The following APOB variants were observed in gnomAD, a reference collection of about 807,000 sequenced individuals.
APOB encodes the protein apolipoprotein B.
In APOB, 153 loss-of-function variants were observed where a neutral mutation model predicts 314.1. The observed-to-expected ratio is 0.49, with a 90% CI of 0.43 to 0.56. The LOEUF is 0.56. Among genes scored for constraint, APOB ranks in the 20% least tolerant of loss-of-function variants. APOB has a pLI of 0.00. For synonymous variants in APOB, 2,087 were observed against 2,036.4 expected (o/e 1.02, Z -0.67); for missense variants, 5,430 against 5,350.7 (o/e 1.01, Z -0.46).
chr2:21,006,166 T>C lies in APOB; in HGVS notation c.10702A>G (p.Lys3568Glu), dbSNP rs899966738. The change falls in exon 26 of 29, where the codon AAA becomes GAA. Residue 3568 changes from lysine (K) to glutamate (E), a missense_variant. By Grantham distance (56) the Lys-to-Glu change is moderately conservative. This residue lies in a region of APOB where 3,281 missense variants were observed against 3,171.0 expected (regional missense o/e 1.03). Coordinates refer to ENST00000233242, the MANE Select transcript of APOB (RefSeq NM_000384.3). ...AGGCCCTCTAGCTGTAAGTGGTTTT[T>C]CGTACTGTGCTCCCAGAGGGAATAT... ...RIYSLWEHST[K>E]NHLQLEGLFF... The C allele has an allele frequency of 6.2e-7, 1 of 1,613,952 alleles. No individual in the cohort carries two copies. Among genetic ancestry groups the C allele is most frequent in the African/African-American group, 1.3e-5 (1 of 74,908 alleles).
Position 21,011,567 on chromosome 2 carries a change from A to C in APOB, c.5301T>G (p.Ser1767=). 2 of 1,614,222 alleles carry C rather than the reference A, an allele frequency of 1.2e-6. No individual in the cohort carries two copies. Among genetic ancestry groups the C allele is most frequent in the Non-Finnish European group, 1.7e-6 (2 of 1,180,016 alleles). ...LNIAGLSLDF[S]SKLDNIYSSD... ...AGCTGTAAATGTTGTCAAGTTTTGA[A>C]GAGAAGTCCAGTGATAAGCCTGCAA... The change falls in exon 26 of 29, where the codon TCT becomes TCG. Residue 1767 remains serine (S), a synonymous_variant. Coordinates refer to ENST00000233242, the MANE Select transcript of APOB (RefSeq NM_000384.3).
At chr2:21,024,519 T>C (rs1019277091) in intron 16 of APOB, 2 of 314,368 alleles carry the variant, frequency 6.4e-6, no homozygotes, top group Non-Finnish European at 1.2e-5. Flanking sequence ...CTTGGGAGGC[T>C]GAGGCAGGAG....
At position 21,043,026 on chromosome 2, in the gene APOB, CG is replaced by C. The variant is rs1369048088; in HGVS notation, c.121+486del. On this transcript the variant is annotated intron_variant, in intron 2 of 28. Transcript: ENST00000233242. ...TGAGTCCAGCTGCAGTGATGACAGA[CG>C]GCCACTAGATGGCGGTGCTGCCCCA... Among the ~76,000 whole-genome samples the C allele has an allele frequency of 2.0e-5, 3 of 146,558 alleles. No homozygotes were observed. In the Admixed American group the frequency reaches 2.1e-4, roughly 10 times the overall value.
intron 8 of APOB, among the ~76,000 whole-genome samples, chr2:21,034,334 CA>C (rs1212632946): frequency 6.6e-6 from 1 of 152,050 alleles, no homozygotes; most frequent in African/African-American, 2.4e-5. Context: ...TTGCTATGAG[CA>C]AAAAGGACAA....
chr2:21,043,595 C>T (rs1314954841), intron 1 of APOB, 44 bp from the exon 2 acceptor site: 1 of 1,576,528 alleles, frequency 6.3e-7, no homozygotes, highest in African/African-American at 1.3e-5. Flanking sequence ...CCACGTCTTC[C>T]CAGCGGGTGC....
At position 21,002,198 on chromosome 2, in the gene APOB, G is replaced by A. The variant is rs764213853; in HGVS notation, c.13224C>T (p.Val4408=). 1.2e-6 allele frequency: 2 copies of A among 1,613,958 alleles called. No individual in the cohort carries two copies. The highest frequency in any genetic ancestry group is 3.3e-5 in the Admixed American group (2 of 59,996). ...CAACTAACAGGTTCTTGATCAGACT[G>A]ACTATCTTTTCTTCAAGTTCATAAT... ...VKYYELEEKI[V]SLIKNLLVAL... The change falls in exon 29 of 29, where the codon GTC becomes GTT. Residue 4408 remains valine (V), a synonymous_variant. Transcript: ENST00000233242.
chr2:21,013,586 A>C (rs1663391126), intron 24 of APOB, 53 bp from the exon 25 acceptor site: 13 of 1,612,160 alleles, frequency 8.1e-6, no homozygotes, highest in African/African-American at 1.3e-5. Context: ...AGTCATTCAA[A>C]GTTCTCTGCC....
In APOB at chr2:21,010,683, T is replaced by C; in HGVS notation, c.6185A>G (p.Lys2062Arg). 6.2e-7 allele frequency: 1 copy of C among 1,614,074 alleles called. No individual in the cohort carries two copies. Among genetic ancestry groups the C allele is most frequent in the Non-Finnish European group, 8.5e-7 (1 of 1,179,982 alleles). ...FTIVAFVKYD[K>R]NQDVHSINLP... ...GTTAATGGAGTGAACATCTTGGTTT[T>C]TATCATACTTTACAAAAGCAACAAT... The change falls in exon 26 of 29, where the codon AAA becomes AGA. Residue 2062 changes from lysine (K) to arginine (R), a missense_variant. Coordinates refer to ENST00000233242, the MANE Select transcript of APOB (RefSeq NM_000384.3).
chr2:21,018,549 A>G (rs1469921453), intron 20 of APOB, among the ~76,000 whole-genome samples: 1 of 152,122 alleles, frequency 6.6e-6, no homozygotes, highest in Non-Finnish European at 1.5e-5. Flanking sequence ...GCCTGTTAAC[A>G]GTCTTACCAC....
At position 21,033,352 on chromosome 2, in the gene APOB, G is replaced by T. The variant is rs769527337; in HGVS notation, c.1071C>A (p.Gly357=). Residue 357 remains glycine (G), a synonymous_variant, in exon 9 of 29, where the codon GGC becomes GGA. Coordinates refer to ENST00000233242, the MANE Select transcript of APOB (RefSeq NM_000384.3). ...GAGATGTGACTGCTTCATCACTGAG[G>T]CCTCTCAGCTCAGTAACCAGCTTAT... The part of the protein sequence containing the change: ...LFNKLVTELR[G]LSDEAVTSLL... 3.7e-6 allele frequency: 6 copies of T among 1,614,132 alleles called. No homozygotes were observed. The East Asian group carries it at 1.3e-4, about 36-fold the overall frequency.
In APOB at chr2:21,023,518, A is replaced by G. The variant is rs1363191195; in HGVS notation, c.2604+7T>C. 1 of 1,613,960 alleles carries G rather than the reference A, an allele frequency of 6.2e-7. No individual in the cohort carries two copies. Among genetic ancestry groups the G allele is most frequent in the Admixed American group, 1.7e-5 (1 of 60,000 alleles). On this transcript the variant is annotated splice_region_variant and intron_variant, in intron 17 of 28. Coordinates refer to ENST00000233242, the MANE Select transcript of APOB (RefSeq NM_000384.3). ...CCTAAGAAATCAAAAGGCAAACAGA[A>G]TCTTACGTTGGCTACTTCCAGTTTT...
intron 6 of APOB, among the ~76,000 whole-genome samples, chr2:21,036,735 C>T (rs959502981): frequency 1.3e-5 from 2 of 152,120 alleles, no homozygotes; most frequent in African/African-American, 2.4e-5. Flanking sequence ...AGTCCTTGTG[C>T]AGAAAAGAAC....
In APOB at chr2:21,006,302, A is replaced by G; in HGVS notation, c.10566T>C (p.Asn3522=). The change falls in exon 26 of 29, where the codon AAT becomes AAC. Residue 3522 remains asparagine, a synonymous_variant. Coordinates refer to ENST00000233242, the MANE Select transcript of APOB (RefSeq NM_000384.3). ...TCACTGAAGACCGTGTGCTCTTGGA[A>G]TTCAAGTAAGTGTTGGCCTCACTAG... ...TIASEANTYL[N]SKSTRSSVKL... 1 of 1,614,072 alleles carries G rather than the reference A, an allele frequency of 6.2e-7. No homozygotes were observed. Among genetic ancestry groups the G allele is most frequent in the Non-Finnish European group, 8.5e-7 (1 of 1,179,966 alleles).
rs564532095 is a variant in APOB at position 21,034,769 on chromosome 2, A to G, written c.904+47T>C. ...AGCAAGTGGCTAAGCCATGATAGGC[A>G]CATCTTGAGTAGATTTTCCAGCAAC... On this transcript the variant is annotated intron_variant, in intron 8 of 28. Coordinates refer to ENST00000233242, the MANE Select transcript of APOB (RefSeq NM_000384.3). The G allele has an allele frequency of 4.2e-5, 44 of 1,060,196 alleles. No homozygotes were observed. In the African/African-American group the frequency reaches 6.7e-4, roughly 16 times the overall value. 65.7% of individuals were successfully genotyped at this position (1,060,196 alleles called of 1,614,324 possible). A position where few individuals can be genotyped will look rare whatever the true frequency, so the allele number is the denominator to read the frequency against.
chr2:21,016,798 C>A, intron 20 of APOB, 149 bp from the exon 21 acceptor site: 1 of 672,632 alleles, frequency 1.5e-6, no homozygotes, highest in Non-Finnish European at 2.7e-6. Context: ...TTCTGGCTAA[C>A]ATGGTGAAAC....
chr2:21,037,327 G>A (rs1664029784), intron 5 of APOB, 72 bp from the exon 6 acceptor site: 2 of 1,437,780 alleles, frequency 1.4e-6, no homozygotes, highest in Non-Finnish European at 1.9e-6. Flanking sequence ...GAGGGATGGG[G>A]TGGGGATCGT....
intron 16 of APOB, chr2:21,024,608 T>C: frequency 2.0e-6 from 1 of 498,444 alleles, no homozygotes; most frequent in Non-Finnish European, 3.5e-6. Flanking sequence ...CAAGACTCCA[T>C]CTCAAAAAAT....
intron 26 of APOB, 60 bp downstream of exon 26, chr2:21,005,020 T>C: frequency 6.3e-7 from 1 of 1,587,402 alleles, no homozygotes. Context: ...CATAATTATT[T>C]ACTCATAACT....
chr2:21,005,400 GA>G lies in APOB; in HGVS notation c.11467del (p.Ser3823ProfsTer18). On this transcript the variant is annotated frameshift_variant, in exon 26 of 29. Transcript: ENST00000233242. LOFTEE classifies it high-confidence loss of function. ...ITVPESQLTV[S>X]QFTLPKSVSD... is the part of the protein sequence containing the mutation. ...AACACTTTTTGGAAGCGTGAACTGG[GA>G]CACAGTTAACTGAGATTCAGGCACG... 2 of 1,614,080 alleles carry G rather than the reference GA, an allele frequency of 1.2e-6. No individual in the cohort carries two copies. Among genetic ancestry groups the G allele is most frequent in the Non-Finnish European group, 1.7e-6 (2 of 1,179,948 alleles).
Sources: gnomAD v4.1 joint callset for allele counts (sites outside exome capture counted in the v4.1 genomes callset) on GRCh38, gnomAD v4.1.1 for gene constraint, gnomAD v4.1.1 regional missense constraint, MANE v1.5 for transcripts, NCBI Gene and HGNC (gene_info 2026-07-23, HGNC 2026-07-21) for gene names.